RALGPS1: variants seen among roughly 807,000 people sequenced by gnomAD.
The protein encoded by RALGPS1 is Ral GEF with PH domain and SH3 binding motif 1.
RALGPS1 carries 19 observed loss-of-function variants against 78.8 expected under a neutral mutation model. That is an observed-to-expected ratio of 0.24 (90% CI 0.17 to 0.35). The LOEUF is 0.35. Among genes scored for constraint, RALGPS1 ranks in the 10% least tolerant of loss-of-function variants. RALGPS1 has a pLI of 1.00. For missense variants in RALGPS1, 454 were observed against 688.3 expected (o/e 0.66, Z 3.81); for synonymous variants, 228 against 256.3 (o/e 0.89, Z 1.06).
chr9:127,032,185 T>A (rs1006390210), intron 4 of RALGPS1, among the ~76,000 whole-genome samples: 1 of 152,168 alleles, frequency 6.6e-6, no homozygotes, highest in African/African-American at 2.4e-5. Flanking sequence ...AAATATAGTA[T>A]CATACCCACT....
chr9:127,178,043 G>C (rs2059982598), intron 11 of RALGPS1: 1 of 1,486,462 alleles, frequency 6.7e-7, no homozygotes, highest in South Asian at 1.2e-5. Context: ...GGCCGGCCCA[G>C]GGTCCTGGGG....
intron 10 of RALGPS1, among the ~76,000 whole-genome samples, chr9:127,174,017 A>C (rs978128644): frequency 2.0e-5 from 3 of 152,092 alleles, no homozygotes; most frequent in Admixed American, 1.3e-4. Context: ...TGTCTCAAAA[A>C]AGGGGAGGCC....
intron 1 of RALGPS1, among the ~76,000 whole-genome samples, chr9:126,931,490 C>T (rs544065685): frequency 1.3e-5 from 2 of 152,226 alleles, no homozygotes. Flanking sequence ...ACCTTGAAAA[C>T]ATTCTGAGTG....
At chr9:127,110,370 T>G in intron 8 of RALGPS1, among the ~76,000 whole-genome samples, 1 of 152,184 alleles carries the variant, frequency 6.6e-6, no homozygotes, top group East Asian at 1.9e-4. Flanking sequence ...TGCCGGCTGT[T>G]CCTCCTCAGA....
At chr9:127,143,339 C>T (rs1293523295) in intron 8 of RALGPS1, among the ~76,000 whole-genome samples, 1 of 152,238 alleles carries the variant, frequency 6.6e-6, no homozygotes, top group Non-Finnish European at 1.5e-5. Context: ...TTCCCGATTT[C>T]ACCACAACCC....
At chr9:126,992,414 C>T (rs911011130) in intron 4 of RALGPS1, among the ~76,000 whole-genome samples, 1 of 151,462 alleles carries the variant, frequency 6.6e-6, no homozygotes, top group Admixed American at 6.6e-5. Context: ...TCCTCCTCTT[C>T]CACTCCTTCC....
chr9:127,179,665 A>G (rs1588376619), intron 11 of RALGPS1, among the ~76,000 whole-genome samples: 1 of 152,236 alleles, frequency 6.6e-6, no homozygotes. Flanking sequence ...AACCTTCCCC[A>G]CAAAGCTCAC....
chr9:127,095,955 T>C (rs557551510), intron 8 of RALGPS1, among the ~76,000 whole-genome samples: 1 of 152,176 alleles, frequency 6.6e-6, no homozygotes, highest in Non-Finnish European at 1.5e-5. Context: ...TAAGAAAGAT[T>C]GGTTTGGGTG....
chr9:127,117,801 A>T (rs993945163), intron 8 of RALGPS1, among the ~76,000 whole-genome samples: 1 of 152,164 alleles, frequency 6.6e-6, no homozygotes, highest in East Asian at 1.9e-4. Context: ...TCCCTCATGG[A>T]GGTTGGAGTG....
chr9:127,113,679 T>C (rs895080332), intron 8 of RALGPS1, among the ~76,000 whole-genome samples: 2 of 152,254 alleles, frequency 1.3e-5, no homozygotes, highest in Non-Finnish European at 2.9e-5. Flanking sequence ...CACATTGTAT[T>C]GTGAGGAGTT....
intron 4 of RALGPS1, among the ~76,000 whole-genome samples, chr9:127,033,975 C>T (rs2134637253): frequency 6.6e-6 from 1 of 152,296 alleles, no homozygotes; most frequent in East Asian, 1.9e-4. Flanking sequence ...TTGCAGTAGG[C>T]TTGGACTGAG....
At chr9:126,928,332 G>A (rs2035488010) in intron 1 of RALGPS1, among the ~76,000 whole-genome samples, 1 of 152,190 alleles carries the variant, frequency 6.6e-6, no homozygotes, top group South Asian at 2.1e-4. Context: ...TACCAGGACT[G>A]ACCATCGTGG....
Position 127,005,044 on chromosome 9 carries a change from T to C in RALGPS1, c.216+27299T>C, listed in dbSNP as rs1449411271. Among the ~76,000 whole-genome samples, 3 of 152,140 alleles carry C rather than the reference T, an allele frequency of 2.0e-5. No homozygotes were observed. The East Asian group carries it at 5.8e-4, about 29-fold the overall frequency. On this transcript the variant is annotated intron_variant, in intron 4 of 18. Coordinates refer to ENST00000259351, the MANE Select transcript of RALGPS1 (RefSeq NM_014636.3). ...TTAACTTAGACATGACTGAGCTGAG[T>C]TGTGGCCCGGAGCAGAGGAAGGAGA...
intron 4 of RALGPS1, among the ~76,000 whole-genome samples, chr9:126,983,128 G>C (rs2041479209): frequency 1.3e-5 from 2 of 151,402 alleles, no homozygotes; most frequent in Admixed American, 1.3e-4. Context: ...GTAGAGATGG[G>C]GTTTCACCAC....
At chr9:127,195,571 G>T (rs1053899691) in intron 12 of RALGPS1, among the ~76,000 whole-genome samples, 1 of 152,222 alleles carries the variant, frequency 6.6e-6, no homozygotes, top group African/African-American at 2.4e-5. Context: ...GTAGACACCA[G>T]TGACTGTCAT....
chr9:126,995,106 G>A (rs2042616519), intron 4 of RALGPS1, among the ~76,000 whole-genome samples: 1 of 152,178 alleles, frequency 6.6e-6, no homozygotes, highest in Admixed American at 6.5e-5. Flanking sequence ...TCAAGGCTAG[G>A]AAGAAACTGC....
intron 4 of RALGPS1, among the ~76,000 whole-genome samples, chr9:127,019,293 G>A (rs1045204788): frequency 6.6e-6 from 1 of 151,846 alleles, no homozygotes; most frequent in Non-Finnish European, 1.5e-5. Context: ...TTTTTCTGTT[G>A]TTGCATGCAT....
intron 8 of RALGPS1, among the ~76,000 whole-genome samples, chr9:127,099,179 G>T (rs766124223): frequency 6.6e-6 from 1 of 152,170 alleles, no homozygotes; most frequent in Non-Finnish European, 1.5e-5. Flanking sequence ...GTCAGAATTT[G>T]ACCACCTTAG....
intron 3 of RALGPS1, among the ~76,000 whole-genome samples, chr9:126,971,734 AC>A (rs1332913411): frequency 6.6e-6 from 1 of 152,214 alleles, no homozygotes; most frequent in African/African-American, 2.4e-5. Flanking sequence ...AGAGCAGTAA[AC>A]ATGCAATTAC....
Sources: gnomAD v4.1 joint callset for allele counts (sites outside exome capture counted in the v4.1 genomes callset) on GRCh38, gnomAD v4.1.1 for gene constraint, MANE v1.5 for transcripts, NCBI Gene and HGNC (gene_info 2026-07-23, HGNC 2026-07-21) for gene names.